The following PPARGC1A variants were observed in gnomAD, a reference collection of about 807,000 sequenced individuals.
PPARGC1A encodes the protein PPARG coactivator 1 alpha, also known as peroxisome proliferator-activated receptor gamma coactivator 1-alpha.
PPARGC1A carries 25 observed loss-of-function variants against 88.7 expected under a neutral mutation model. That is an observed-to-expected ratio of 0.28 (90% confidence interval 0.21 to 0.39). The LOEUF (loss-of-function observed/expected upper bound fraction) is 0.39, where lower values mean the gene tolerates loss of function less well. PPARGC1A is among the 10% of genes least tolerant of loss of function. The pLI is 1.00. For synonymous variants in PPARGC1A, 363 were observed against 355.6 expected, an observed-to-expected ratio of 1.02 and a Z score of -0.24; for missense variants, 880 against 968.7, an observed-to-expected ratio of 0.91 and a Z score of 1.22.
At chr4:24,307,718 C>T in the PPARGC1A span, among the ~76,000 whole-genome samples, 3 of 152,264 alleles carry the variant, frequency 2.0e-5, no homozygotes, top group East Asian at 3.9e-4. Flanking sequence ...GGATCTGGTT[C>T]GGAAGATGAA....
At chr4:24,083,012 C>G in the PPARGC1A span, among the ~76,000 whole-genome samples, 3 of 152,114 alleles carry the variant, frequency 2.0e-5, no homozygotes, top group Non-Finnish European at 4.4e-5. Context: ...GGTTTATTTG[C>G]ATTTGTTCAT....
the PPARGC1A span, among the ~76,000 whole-genome samples, chr4:23,949,934 C>T: frequency 3.3e-5 from 5 of 152,086 alleles, no homozygotes; most frequent in Non-Finnish European, 7.4e-5. Context: ...GAAAATAAAG[C>T]CTATTATTCA....
At chr4:23,971,919 C>T in the PPARGC1A span, among the ~76,000 whole-genome samples, 1 of 152,086 alleles carries the variant, frequency 6.6e-6, no homozygotes, top group Non-Finnish European at 1.5e-5. Context: ...TGAGCTTTCT[C>T]TAAATTATAT....
chr4:24,058,819 C>T, the PPARGC1A span, among the ~76,000 whole-genome samples: 4 of 152,224 alleles, frequency 2.6e-5, no homozygotes, highest in South Asian at 4.2e-4. Context: ...GTGGTGCACA[C>T]CTGTAATCCC....
the PPARGC1A span, among the ~76,000 whole-genome samples, chr4:24,404,105 T>TA: frequency 1.1e-4 from 17 of 151,088 alleles, no homozygotes; most frequent in African/African-American, 3.9e-4. Context: ...CTACTAAAAA[T>TA]AAAAAAAATT....
At chr4:24,229,369 G>A in the PPARGC1A span, among the ~76,000 whole-genome samples, 8 of 149,484 alleles carry the variant, frequency 5.4e-5, no homozygotes, top group Non-Finnish European at 7.4e-5. Context: ...GGCTGGTCTC[G>A]AACTTCTGAC....
chr4:24,128,383 AGTACTAAATAC>A, the PPARGC1A span, among the ~76,000 whole-genome samples: 1 of 152,188 alleles, frequency 6.6e-6, no homozygotes, highest in Non-Finnish European at 1.5e-5. Context: ...ATAAATTCTA[AGTACTAAATAC>A]GTGACATTTT....
the PPARGC1A span, among the ~76,000 whole-genome samples, chr4:24,236,722 A>G: frequency 6.6e-6 from 1 of 152,206 alleles, no homozygotes; most frequent in Non-Finnish European, 1.5e-5. Flanking sequence ...TGTTCTTTAA[A>G]TGTGTACAAA....
chr4:24,223,515 G>T, the PPARGC1A span, among the ~76,000 whole-genome samples: 1 of 152,162 alleles, frequency 6.6e-6, no homozygotes. Context: ...CTCCCAAGGT[G>T]CTGAGATTAC....
the PPARGC1A span, among the ~76,000 whole-genome samples, chr4:24,065,705 A>T: frequency 6.6e-6 from 1 of 151,820 alleles, no homozygotes; most frequent in African/African-American, 2.4e-5. Flanking sequence ...TAACTCCTGG[A>T]CTCCTCATGA....
chr4:23,824,654 A>G (rs750230676), intron 5 of PPARGC1A, 146 bp from the exon 6 acceptor site: 21 of 742,676 alleles, frequency 2.8e-5, no homozygotes, highest in Non-Finnish European at 4.3e-5. Context: ...AAAGTCAGAC[A>G]AAAGTCCATT....
At chr4:24,449,384 T>A in the PPARGC1A span, among the ~76,000 whole-genome samples, 1 of 152,220 alleles carries the variant, frequency 6.6e-6, no homozygotes, top group Non-Finnish European at 1.5e-5. Flanking sequence ...CTATAACACT[T>A]CCTGTTGCTG....
the PPARGC1A span, among the ~76,000 whole-genome samples, chr4:24,329,747 T>C: frequency 1.4e-4 from 21 of 152,248 alleles, no homozygotes; most frequent in Admixed American, 5.2e-4. Context: ...GTCTATCATA[T>C]ACACCTAGCA....
chr4:24,013,427 C>T, the PPARGC1A span, among the ~76,000 whole-genome samples: 3 of 152,046 alleles, frequency 2.0e-5, no homozygotes, highest in African/African-American at 2.4e-5. Context: ...TTTGTCTCCT[C>T]GTCCTCTCTC....
the PPARGC1A span, among the ~76,000 whole-genome samples, chr4:24,186,481 T>A: frequency 6.6e-6 from 1 of 152,118 alleles, no homozygotes; most frequent in Non-Finnish European, 1.5e-5. Flanking sequence ...CCTTGGGCAG[T>A]GTATTCCCAC....
the PPARGC1A span, among the ~76,000 whole-genome samples, chr4:23,989,163 A>T: frequency 2.6e-5 from 4 of 151,842 alleles, no homozygotes; most frequent in Non-Finnish European, 4.4e-5. Flanking sequence ...TCATTACAAG[A>T]TCTAATACCT....
chr4:24,347,170 G>A, the PPARGC1A span, among the ~76,000 whole-genome samples: 2 of 152,142 alleles, frequency 1.3e-5, no homozygotes, highest in Non-Finnish European at 2.9e-5. Flanking sequence ...ACTGAGGCTT[G>A]TTTTATGGCC....
At chr4:24,212,277 TC>T in the PPARGC1A span, among the ~76,000 whole-genome samples, 1 of 152,148 alleles carries the variant, frequency 6.6e-6, no homozygotes, top group Non-Finnish European at 1.5e-5. Flanking sequence ...ATAAAAACAT[TC>T]TAGGTGCTGA....
At chr4:24,457,204 T>C in the PPARGC1A span, among the ~76,000 whole-genome samples, 1 of 151,966 alleles carries the variant, frequency 6.6e-6, no homozygotes, top group Admixed American at 6.6e-5. Context: ...GAATAGTCAC[T>C]CCCCCTGCCC....
Sources: allele counts gnomAD v4.1 joint callset (sites outside exome capture counted in the v4.1 genomes callset), GRCh38; gene constraint gnomAD v4.1.1; transcripts MANE v1.5; gene names NCBI Gene and HGNC (gene_info 2026-07-23, HGNC 2026-07-21).